Variants in C12orf42 observed in about 807,000 individuals in gnomAD.
The protein encoded by C12orf42 is chromosome 12 open reading frame 42.
In C12orf42, 25 loss-of-function variants were observed where a neutral mutation model predicts 21.6. The ratio of observed to expected loss-of-function variants is 1.16; its 90% CI spans 0.84 to 1.62. C12orf42 has a LOEUF of 1.62. Among genes scored for constraint, C12orf42 ranks in the 40% most tolerant of loss-of-function variants. The pLI is 0.00. For missense variants in C12orf42, 483 were observed against 459.3 expected, an observed-to-expected ratio of 1.05 and a Z score of -0.47; for synonymous variants, 174 against 175.0, an observed-to-expected ratio of 0.99 and a Z score of 0.05.
the C12orf42 span, among the ~76,000 whole-genome samples, chr12:103,107,071 T>A: frequency 6.6e-6 from 1 of 151,948 alleles, no homozygotes; most frequent in Non-Finnish European, 1.5e-5. Flanking sequence ...TAGAAAACTA[T>A]CTTAACCTGA....
At chr12:103,079,031 A>AAGAC in the C12orf42 span, among the ~76,000 whole-genome samples, 1 of 152,190 alleles carries the variant, frequency 6.6e-6, no homozygotes, top group Admixed American at 6.5e-5. Flanking sequence ...GATATCTGTG[A>AAGAC]AGACACCACA....
chr12:103,247,449 A>G (rs2034064708), intron 10 of C12orf42, among the ~76,000 whole-genome samples: 1 of 152,058 alleles, frequency 6.6e-6, no homozygotes, highest in Non-Finnish European at 1.5e-5. Context: ...TGTCTATGAC[A>G]TCAATATTTC....
chr12:103,370,916 C>A (rs2045162834), intron 3 of C12orf42, among the ~76,000 whole-genome samples: 1 of 151,964 alleles, frequency 6.6e-6, no homozygotes, highest in African/African-American at 2.4e-5. Context: ...TAAATAAAAA[C>A]CACTCATTAA....
chr12:103,524,968 G>T, the C12orf42 span, among the ~76,000 whole-genome samples: 1 of 150,678 alleles, frequency 6.6e-6, no homozygotes, highest in African/African-American at 2.4e-5. Context: ...TTTTTGGGGG[G>T]GGGGCAGGGG....
chr12:103,425,231 C>G (rs2139205457), intron 2 of C12orf42, among the ~76,000 whole-genome samples: 1 of 152,298 alleles, frequency 6.6e-6, no homozygotes, highest in African/African-American at 2.4e-5. Flanking sequence ...GACAGAGCAC[C>G]TAGGGGAAGG....
chr12:103,554,263 T>C, the C12orf42 span, among the ~76,000 whole-genome samples: 2 of 152,040 alleles, frequency 1.3e-5, no homozygotes, highest in Middle Eastern at 3.4e-3. Flanking sequence ...TTGGCCAATA[T>C]AAATATAAGA....
At position 103,477,791 on chromosome 12, in the gene C12orf42, T is replaced by C. The variant is rs75399314; in HGVS notation, c.78+558A>G. 0.012 allele frequency: 1,893 copies of C among 152,736 alleles called. 210 individuals carry two copies. In the East Asian group the frequency reaches 0.26, roughly 21 times the overall value. The allele number at this position is 152,736 out of a possible 1,614,324, so 9.5% of individuals were successfully genotyped here. On this transcript the variant is annotated intron_variant, in intron 2 of 5. Transcript: ENST00000548883. Reference sequence around the variant, plus strand: ...TGCCAACGCCTAGATTTTAACCCAGTGAGCCCTGTTTCAGACTTCTGAACC... The same window carrying C: ...TGCCAACGCCTAGATTTTAACCCAGCGAGCCCTGTTTCAGACTTCTGAACC...
the C12orf42 span, among the ~76,000 whole-genome samples, chr12:103,114,334 A>G: frequency 6.6e-6 from 1 of 152,330 alleles, no homozygotes; most frequent in East Asian, 1.9e-4. Flanking sequence ...CGTGGCCTAA[A>G]GAGAAGGGCC....
chr12:103,221,373 G>A, the C12orf42 span, among the ~76,000 whole-genome samples: 1 of 152,172 alleles, frequency 6.6e-6, no homozygotes, highest in South Asian at 2.1e-4. Context: ...AATGCTCATA[G>A]CATTCATTTA....
chr12:103,100,356 G>C, the C12orf42 span, among the ~76,000 whole-genome samples: 1 of 152,246 alleles, frequency 6.6e-6, no homozygotes, highest in African/African-American at 2.4e-5. Context: ...GGATAAAACT[G>C]CTGGGCAGGA....
At chr12:103,249,146 A>C (rs1329711059) in intron 10 of C12orf42, among the ~76,000 whole-genome samples, 1 of 152,034 alleles carries the variant, frequency 6.6e-6, no homozygotes, top group African/African-American at 2.4e-5. Flanking sequence ...GCTTAAGATG[A>C]GTCTTAAAAG....
At chr12:103,508,381 GA>G in the C12orf42 span, among the ~76,000 whole-genome samples, 3 of 152,158 alleles carry the variant, frequency 2.0e-5, no homozygotes, top group African/African-American at 7.2e-5. Context: ...ATAAGATTTT[GA>G]GTTTGTCTTA....
the C12orf42 span, among the ~76,000 whole-genome samples, chr12:103,058,393 G>A: frequency 2.0e-5 from 3 of 152,108 alleles, no homozygotes; most frequent in Non-Finnish European, 2.9e-5. Flanking sequence ...CAGATGGATA[G>A]CTTGCAAAAA....
rs188324076 is a variant in C12orf42, at chr12:103,495,641, G to A, written c.-22+261C>T. The A allele has an allele frequency of 8.4e-3, 1,266 of 150,590 alleles. 13 individuals carry two copies. Among genetic ancestry groups the A allele is most frequent in the Non-Finnish European group, 8.5e-3 (573 of 67,364 alleles). 9.3% of individuals were successfully genotyped at this position (150,590 alleles called of 1,614,324 possible). A position where few individuals can be genotyped will look rare whatever the true frequency, so the allele number is the denominator to read the frequency against. On this transcript the variant is annotated intron_variant, in intron 1 of 5. Transcript: ENST00000548883. ...TTAAGGAGCGTGTGCGTCTCGGTCC[G>A]GGCCGAGGCGGCGAGGTGGGGGTTG...
At chr12:103,339,191 C>T (rs1339889613) in intron 4 of C12orf42, among the ~76,000 whole-genome samples, 1 of 152,174 alleles carries the variant, frequency 6.6e-6, no homozygotes, top group East Asian at 1.9e-4. Context: ...ATATTATTAG[C>T]TAAGTTCAAA....
chr12:103,127,647 A>G, the C12orf42 span, among the ~76,000 whole-genome samples: 43 of 152,282 alleles, frequency 2.8e-4, no homozygotes, highest in East Asian at 7.3e-3. Context: ...GTTTGTCACA[A>G]CTGGACAGGG....
the C12orf42 span, among the ~76,000 whole-genome samples, chr12:103,231,714 G>A: frequency 9.9e-5 from 15 of 152,172 alleles, no homozygotes; most frequent in East Asian, 2.9e-3. Context: ...TTCATCTACT[G>A]AAAAATAACT....
intron 2 of C12orf42, among the ~76,000 whole-genome samples, chr12:103,446,834 G>A (rs528652082): frequency 3.3e-5 from 5 of 151,988 alleles, no homozygotes; most frequent in South Asian, 2.1e-4. Context: ...ACATATGCAC[G>A]TAACATTGGA....
the C12orf42 span, among the ~76,000 whole-genome samples, chr12:103,213,354 A>G: frequency 6.6e-6 from 1 of 152,204 alleles, no homozygotes; most frequent in Non-Finnish European, 1.5e-5. Context: ...CCTACTCAAG[A>G]TTATCATTGC....
Sources: allele counts gnomAD v4.1 joint callset (sites outside exome capture counted in the v4.1 genomes callset), GRCh38; gene constraint gnomAD v4.1.1; transcripts MANE v1.5; gene names NCBI Gene and HGNC (gene_info 2026-07-23, HGNC 2026-07-21).